SLC35F4: variants seen among roughly 807,000 people sequenced by gnomAD.
SLC35F4 encodes solute carrier family 35 member F4.
Under a neutral mutation model 44.2 loss-of-function variants are expected in SLC35F4, and 24 were observed. The observed-to-expected ratio is 0.54, with a 90% confidence interval of 0.39 to 0.76. The LOEUF is 0.76. Ranked by LOEUF, SLC35F4 falls within the 30% of genes least tolerant of loss-of-function variation. The pLI, the probability that SLC35F4 is intolerant of heterozygous loss-of-function variation, is 0.00. For missense variants in SLC35F4, 562 were observed against 586.1 expected (o/e 0.96, Z 0.42); for synonymous variants, 238 against 223.6 (o/e 1.06, Z -0.57).
intron 1 of SLC35F4, among the ~76,000 whole-genome samples, chr14:57,944,755 A>AAAGAAAGAAAGG (rs1566508880): frequency 6.9e-6 from 1 of 145,116 alleles, no homozygotes; most frequent in African/African-American, 2.5e-5. Flanking sequence ...AAGAAAGAAG[A>AAAGAAAGAAAGG]AAGGAAGAAA....
At chr14:57,942,203 T>A (rs930786625) in intron 1 of SLC35F4, among the ~76,000 whole-genome samples, 2 of 152,228 alleles carry the variant, frequency 1.3e-5, no homozygotes, top group African/African-American at 4.8e-5. Flanking sequence ...CAGAGAATGT[T>A]CCAGCTTAAT....
intron 1 of SLC35F4, among the ~76,000 whole-genome samples, chr14:57,889,755 T>C (rs140588259): frequency 6.8e-4 from 104 of 152,372 alleles, no homozygotes; most frequent in African/African-American, 2.4e-3. Flanking sequence ...TTTATTAAAA[T>C]GAATGCCTTT....
At chr14:57,925,507 G>GGAAGGA (rs1889543846) in intron 1 of SLC35F4, among the ~76,000 whole-genome samples, 2 of 27,530 alleles carry the variant, frequency 7.3e-5, no homozygotes, top group Non-Finnish European at 1.3e-4. Flanking sequence ...GGGAGGGAGG[G>GGAAGGA]AGGGAGGGAG....
intron 1 of SLC35F4, among the ~76,000 whole-genome samples, chr14:57,961,318 G>A (rs952226918): frequency 1.3e-5 from 2 of 152,154 alleles, no homozygotes; most frequent in African/African-American, 2.4e-5. Flanking sequence ...GATATCAGAG[G>A]AGGAAAGGGA....
At chr14:57,945,516 T>G (rs1003453088) in intron 1 of SLC35F4, among the ~76,000 whole-genome samples, 1 of 127,984 alleles carries the variant, frequency 7.8e-6, no homozygotes, top group Non-Finnish European at 1.6e-5. Context: ...TATCCACTCA[T>G]TGTTTGATGG....
chr14:57,960,117 C>A (rs1453981644), intron 1 of SLC35F4, among the ~76,000 whole-genome samples: 1 of 152,110 alleles, frequency 6.6e-6, no homozygotes, highest in Non-Finnish European at 1.5e-5. Flanking sequence ...AGAATAGTTA[C>A]CTTCTAGGAT....
At chr14:57,893,518 C>A (rs927313020) in intron 1 of SLC35F4, among the ~76,000 whole-genome samples, 3 of 152,168 alleles carry the variant, frequency 2.0e-5, no homozygotes, top group Admixed American at 2.0e-4. Flanking sequence ...ATGCTCTCTG[C>A]CATTACACCT....
chr14:57,841,580 T>G (rs17093760), intron 1 of SLC35F4, among the ~76,000 whole-genome samples: 5,231 of 152,264 alleles, frequency 0.034, 331 homozygotes, highest in East Asian at 0.26. Flanking sequence ...AACAGGGTAC[T>G]GAATCTGGTA....
At chr14:57,818,931 A>G (rs2140905660) in intron 1 of SLC35F4, among the ~76,000 whole-genome samples, 1 of 152,350 alleles carries the variant, frequency 6.6e-6, no homozygotes, top group East Asian at 1.9e-4. Flanking sequence ...CAAGCATCAC[A>G]TTGAATGATA....
rs189369547 is a variant in SLC35F4, at chr14:57,721,047, A to C, written c.104-126923T>G. On this transcript the variant is annotated intron_variant, in intron 1 of 7. Coordinates refer to ENST00000556826, the MANE Select transcript of SLC35F4 (RefSeq NM_001306087.2). ...ATAAACTCCTCATATATATATATAT[A>C]TCTCCTATTAGTTCTGACCATCTAG... Among the ~76,000 whole-genome samples the C allele has an allele frequency of 2.3e-5, 3 of 130,608 alleles. No homozygotes were observed. In the East Asian group the frequency reaches 6.7e-4, roughly 29 times the overall value. 85.7% of individuals were successfully genotyped at this position (130,608 alleles called of 152,430 possible). A position where few individuals can be genotyped will look rare whatever the true frequency, so the allele number is the denominator to read the frequency against.
At chr14:57,865,642 CG>C in intron 1 of SLC35F4, 80 bp downstream of exon 1, 1 of 1,227,754 alleles carries the variant, frequency 8.1e-7, no homozygotes, top group Non-Finnish European at 1.1e-6. Context: ...ACCGCGCGCC[CG>C]CCCGTCCGCA....
chr14:57,637,539 C>T (rs1379735947), intron 1 of SLC35F4, among the ~76,000 whole-genome samples: 1 of 152,084 alleles, frequency 6.6e-6, no homozygotes, highest in Non-Finnish European at 1.5e-5. Flanking sequence ...TGTCCAAATA[C>T]ATAAAATGGG....
At chr14:57,778,269 G>T (rs1252483350) in intron 1 of SLC35F4, among the ~76,000 whole-genome samples, 2 of 152,176 alleles carry the variant, frequency 1.3e-5, no homozygotes, top group East Asian at 3.9e-4. Context: ...TTTGTAAATT[G>T]CCCAGTCTTG....
intron 1 of SLC35F4, among the ~76,000 whole-genome samples, chr14:57,622,497 T>C (rs535065401): frequency 1.3e-5 from 2 of 148,454 alleles, no homozygotes; most frequent in Admixed American, 1.4e-4. Flanking sequence ...CCATAAAAAA[T>C]TATGAGTTCA....
intron 1 of SLC35F4, among the ~76,000 whole-genome samples, chr14:57,835,299 C>A (rs1884806326): frequency 6.6e-6 from 1 of 152,176 alleles, no homozygotes; most frequent in Non-Finnish European, 1.5e-5. Flanking sequence ...TGAGTCCTTG[C>A]AGTTCACAAG....
intron 1 of SLC35F4, among the ~76,000 whole-genome samples, chr14:57,652,388 T>C (rs1265242715): frequency 6.6e-6 from 1 of 152,158 alleles, no homozygotes; most frequent in Non-Finnish European, 1.5e-5. Flanking sequence ...AATCCAACCA[T>C]CATGGGTCCT....
intron 1 of SLC35F4, among the ~76,000 whole-genome samples, chr14:57,825,943 G>A (rs1428139936): frequency 1.3e-5 from 2 of 152,144 alleles, no homozygotes. Flanking sequence ...ACTGCCCAAA[G>A]TAATTTATAG....
intron 1 of SLC35F4, among the ~76,000 whole-genome samples, chr14:57,787,412 A>G (rs1242347148): frequency 6.6e-6 from 1 of 152,160 alleles, no homozygotes. Flanking sequence ...AGCACAAAGA[A>G]CACCTGGGAA....
intron 4 of SLC35F4, among the ~76,000 whole-genome samples, chr14:57,578,325 GTTTTTTTTTTTTTTTTTTTTTTTTTTT>G (rs199785589): frequency 2.3e-5 from 1 of 43,116 alleles, no homozygotes; most frequent in African/African-American, 8.0e-5. Context: ...CCCTTTAACT[GTTTTTTTTTTTTTTTTTTTTTTTTTTT>G]TTTTTTTTTT....
Sources: gnomAD v4.1 joint callset for allele counts (sites outside exome capture counted in the v4.1 genomes callset) on GRCh38, gnomAD v4.1.1 for gene constraint, MANE v1.5 for transcripts, NCBI Gene and HGNC (gene_info 2026-07-23, HGNC 2026-07-21) for gene names.